The following PTN variants were observed in gnomAD, a reference collection of about 807,000 sequenced individuals.
PTN encodes the protein pleiotrophin, also known as heparin affin regulatory protein.
A neutral mutation model predicts 24.1 loss-of-function variants in PTN; 18 were observed. That is an observed-to-expected ratio of 0.75 (90% CI 0.52 to 1.11). The LOEUF (loss-of-function observed/expected upper bound fraction) is 1.11, where lower values mean the gene tolerates loss of function less well. PTN is among the 50% of genes least tolerant of loss of function. The pLI, the probability that PTN is intolerant of heterozygous loss-of-function variation, is 0.00. For synonymous variants in PTN, 78 were observed against 68.6 expected (o/e 1.14, Z -0.67); for missense variants, 163 against 198.8 (o/e 0.82, Z 1.08).
At chr7:137,332,006 T>C (rs1810366766) in intron 1 of PTN, among the ~76,000 whole-genome samples, 1 of 152,240 alleles carries the variant, frequency 6.6e-6, no homozygotes, top group Non-Finnish European at 1.5e-5. Context: ...ATAACATTAA[T>C]TTACTTAGCA....
At chr7:137,274,932 T>C (rs928084641) in intron 1 of PTN, among the ~76,000 whole-genome samples, 9 of 152,220 alleles carry the variant, frequency 5.9e-5, no homozygotes, top group African/African-American at 2.2e-4. Context: ...ACTTCTTATA[T>C]GTAGGCAAAG....
chr7:137,330,808 C>A (rs1025709020), intron 1 of PTN, among the ~76,000 whole-genome samples: 11 of 152,082 alleles, frequency 7.2e-5, no homozygotes, highest in African/African-American at 2.2e-4. Context: ...TTTCATGGGA[C>A]TTTTATGGCA....
intron 1 of PTN, among the ~76,000 whole-genome samples, chr7:137,315,144 T>C (rs186854713): frequency 6.6e-6 from 1 of 152,248 alleles, no homozygotes; most frequent in African/African-American, 2.4e-5. Flanking sequence ...TCGTTGCCAA[T>C]GCAAAATAGG....
rs1808546440 is a variant in PTN, at chr7:137,237,598, A to T, written c.452-9523T>A. On this transcript the variant is annotated intron_variant, in intron 4 of 4. Coordinates refer to ENST00000348225, the MANE Select transcript of PTN (RefSeq NM_002825.7). ...CATTTAAATATGTAACTTAGGTGCT[A>T]AGCAATATAAGGTTTTATGCTCACC... 2.0e-5 allele frequency among the ~76,000 whole-genome samples: 3 copies of T among 152,192 alleles called. No homozygotes were observed. The South Asian group carries it at 6.2e-4, about 31-fold the overall frequency.
intron 4 of PTN, among the ~76,000 whole-genome samples, chr7:137,229,034 A>G (rs545218419): frequency 3.3e-5 from 5 of 151,988 alleles, no homozygotes; most frequent in African/African-American, 1.2e-4. Context: ...AAAGTTACTT[A>G]ATGTATTTGT....
At chr7:137,264,032 T>C (rs540271001) in intron 1 of PTN, among the ~76,000 whole-genome samples, 104 of 152,306 alleles carry the variant, frequency 6.8e-4, no homozygotes, top group Non-Finnish European at 1.2e-3. Context: ...CTTTCCTTTT[T>C]CTAGCTTTGC....
chr7:137,273,395 T>C (rs750837685), intron 1 of PTN, among the ~76,000 whole-genome samples: 1 of 152,078 alleles, frequency 6.6e-6, no homozygotes, highest in Non-Finnish European at 1.5e-5. Context: ...TGAGACTGGG[T>C]AATTTATAAA....
rs150061653 is a variant in PTN, at chr7:137,272,974, T to G, written c.-1-18000A>C. On this transcript the variant is annotated intron_variant, in intron 1 of 4. Transcript: ENST00000348225. ...TTAGAATACTGTCTACTGATGAAGT[T>G]CTATCGAAAGCCTTTGGATAATAAT... Among the ~76,000 whole-genome samples, 61 of 152,346 alleles carry G rather than the reference T, an allele frequency of 4.0e-4. 1 individual carries two copies. Among genetic ancestry groups the G allele is most frequent in the South Asian group, 1.4e-3 (7 of 4,832 alleles).
chr7:137,256,374 T>G (rs567665522), intron 1 of PTN, among the ~76,000 whole-genome samples: 4 of 152,228 alleles, frequency 2.6e-5, no homozygotes, highest in African/African-American at 9.6e-5. Context: ...TGTCCATGTC[T>G]TCTCAATGTT....
chr7:137,285,352 T>C (rs2128876583), intron 1 of PTN, among the ~76,000 whole-genome samples: 1 of 152,280 alleles, frequency 6.6e-6, no homozygotes, highest in Middle Eastern at 3.4e-3. Context: ...CAGTTGCAAA[T>C]TTTAACTGAA....
intron 1 of PTN, among the ~76,000 whole-genome samples, chr7:137,296,031 T>C (rs56027748): frequency 0.065 from 9,904 of 152,010 alleles, 717 homozygotes; most frequent in African/African-American, 0.18. Flanking sequence ...GGAGAGACAG[T>C]AGAGTTTAAT....
chr7:137,277,917 A>T (rs1809390953), intron 1 of PTN, among the ~76,000 whole-genome samples: 1 of 124,026 alleles, frequency 8.1e-6, no homozygotes, highest in Admixed American at 7.7e-5. Context: ...ATAGATAGAT[A>T]GATAGATAGA....
intron 1 of PTN, among the ~76,000 whole-genome samples, chr7:137,301,649 A>G (rs544013968): frequency 6.6e-6 from 1 of 152,014 alleles, no homozygotes; most frequent in African/African-American, 2.4e-5. Flanking sequence ...TTGGATTCCC[A>G]TGGAAAGTAC....
chr7:137,317,764 G>A (rs187043175), intron 1 of PTN, among the ~76,000 whole-genome samples: 1 of 152,082 alleles, frequency 6.6e-6, no homozygotes, highest in Non-Finnish European at 1.5e-5. Flanking sequence ...TCTTTTTCAG[G>A]GGGTGGGGGA....
At chr7:137,295,366 C>G (rs1013841276) in intron 1 of PTN, among the ~76,000 whole-genome samples, 1 of 152,102 alleles carries the variant, frequency 6.6e-6, no homozygotes, top group African/African-American at 2.4e-5. Context: ...CATTGTAGCT[C>G]TGCCGAAATA....
At chr7:137,293,483 T>C (rs1809672835) in intron 1 of PTN, among the ~76,000 whole-genome samples, 1 of 152,144 alleles carries the variant, frequency 6.6e-6, no homozygotes, top group Non-Finnish European at 1.5e-5. Context: ...ATGCTAGTAA[T>C]TAGAGTGGAG....
chr7:137,266,738 C>T (rs959652491), intron 1 of PTN, among the ~76,000 whole-genome samples: 1 of 150,502 alleles, frequency 6.6e-6, no homozygotes, highest in African/African-American at 2.4e-5. Context: ...TACTATAATA[C>T]ATGTTACACT....
At chr7:137,340,167 G>C (rs1234858055) in intron 1 of PTN, among the ~76,000 whole-genome samples, 3 of 152,132 alleles carry the variant, frequency 2.0e-5, no homozygotes, top group Non-Finnish European at 4.4e-5. Context: ...TCTCAAACAT[G>C]AAGGAGTCAT....
chr7:137,329,957 A>G (rs914460572), intron 1 of PTN, among the ~76,000 whole-genome samples: 2 of 152,300 alleles, frequency 1.3e-5, no homozygotes, highest in Admixed American at 6.5e-5. Flanking sequence ...AAGATTAGCA[A>G]TTCAAGTAGC....
Sources: allele counts gnomAD v4.1 joint callset (sites outside exome capture counted in the v4.1 genomes callset), GRCh38; gene constraint gnomAD v4.1.1; transcripts MANE v1.5; gene names NCBI Gene and HGNC (gene_info 2026-07-23, HGNC 2026-07-21).